The following SDK2 variants were observed in gnomAD, a reference collection of about 807,000 sequenced individuals.
The protein encoded by SDK2 is protein sidekick-2.
Under a neutral mutation model 253.9 loss-of-function variants are expected in SDK2, and 105 were observed. The observed-to-expected ratio is 0.41, with a 90% CI of 0.35 to 0.49. The LOEUF is 0.49. Among genes scored for constraint, SDK2 ranks in the 20% least tolerant of loss-of-function variants. SDK2 has a pLI of 0.06. For synonymous variants in SDK2, 1,249 were observed against 1,234.9 expected (o/e 1.01, Z -0.24); for missense variants, 2,608 against 3,003.0 (o/e 0.87, Z 3.07).
chr17:73,514,951 A>C (rs2064012824), intron 1 of SDK2, among the ~76,000 whole-genome samples: 1 of 152,146 alleles, frequency 6.6e-6, no homozygotes, highest in African/African-American at 2.4e-5. Flanking sequence ...CCGGGGTCAG[A>C]GGGAGCAGGG....
At chr17:73,400,677 G>T (rs1472428342) in intron 21 of SDK2, among the ~76,000 whole-genome samples, 1 of 151,078 alleles carries the variant, frequency 6.6e-6, no homozygotes, top group Non-Finnish European at 1.5e-5. Context: ...TTTTTGAGAC[G>T]CGATGTGGCC....
At chr17:73,485,046 A>G (rs1367049206) in intron 2 of SDK2, among the ~76,000 whole-genome samples, 1 of 152,112 alleles carries the variant, frequency 6.6e-6, no homozygotes, top group Non-Finnish European at 1.5e-5. Flanking sequence ...CTCTGCAATG[A>G]CCTTATTTCC....
chr17:73,636,680 C>CAAAAAAAAA (rs561026344), intron 1 of SDK2, among the ~76,000 whole-genome samples: 43 of 50,982 alleles, frequency 8.4e-4, no homozygotes, highest in Non-Finnish European at 1.2e-3. Context: ...GACTCTGTCT[C>CAAAAAAAAA]AAAAAAAAAA....
chr17:73,603,365 A>G (rs1238749297), intron 1 of SDK2, among the ~76,000 whole-genome samples: 2 of 152,208 alleles, frequency 1.3e-5, no homozygotes, highest in Non-Finnish European at 2.9e-5. Context: ...CCGGACTGAG[A>G]GGATTCATAC....
intron 2 of SDK2, among the ~76,000 whole-genome samples, chr17:73,474,951 A>G (rs2063676003): frequency 6.6e-6 from 1 of 152,212 alleles, no homozygotes; most frequent in African/African-American, 2.4e-5. Flanking sequence ...CGACAAGACC[A>G]TGTTTGCCTA....
chr17:73,389,188 T>C lies in SDK2; in HGVS notation c.4192+1099A>G, dbSNP rs535265720. Among the ~76,000 whole-genome samples, 282 of 136,800 alleles carry C rather than the reference T, an allele frequency of 2.1e-3. 4 individuals are homozygous for C. Among genetic ancestry groups the C allele is most frequent in the African/African-American group, 7.1e-3 (260 of 36,580 alleles). The allele number at this position is 136,800 out of a possible 152,430, so 89.7% of individuals were successfully genotyped here. A position where few individuals can be genotyped will look rare whatever the true frequency, so the allele number is the denominator to read the frequency against. ...CACCTGGCTGATATTCCTTTCTTTT[T>C]TTTTTTTTTTTTTTTGAGACGGTCT... On this transcript the variant is annotated intron_variant, in intron 29 of 44. Transcript: ENST00000392650.
chr17:73,462,007 TTGCA>T (rs1269694555), intron 3 of SDK2, among the ~76,000 whole-genome samples: 4 of 152,088 alleles, frequency 2.6e-5, no homozygotes, highest in African/African-American at 9.7e-5. Context: ...GGGATAATGG[TTGCA>T]TGTATGTATG....
intron 3 of SDK2, among the ~76,000 whole-genome samples, chr17:73,457,565 G>A (rs976474260): frequency 4.8e-4 from 73 of 151,532 alleles, no homozygotes; most frequent in African/African-American, 1.6e-3. Context: ...TGGCCAGGCC[G>A]GTCTTGAACT....
chr17:73,590,181 C>T (rs72845789), intron 1 of SDK2, among the ~76,000 whole-genome samples: 13,605 of 152,212 alleles, frequency 0.089, 670 homozygotes, highest in South Asian at 0.18. Flanking sequence ...TTTAGCAAGA[C>T]GAGAATTGGA....
rs369740276 is a variant in SDK2 at position 73,361,530 on chromosome 17, G to A, written c.5467+154C>T. Among the ~76,000 whole-genome samples, 5 of 152,202 alleles carry A rather than the reference G, an allele frequency of 3.3e-5. No homozygotes were observed. Among genetic ancestry groups the A allele is most frequent in the South Asian group, 2.1e-4 (1 of 4,826 alleles). On this transcript the variant is annotated intron_variant, in intron 39 of 44. Transcript: ENST00000392650. The surrounding 1 kb of genome is among the most constrained non-coding windows in gnomAD (Gnocchi z 4.1). ...AGCGTGGAGCCCGGGAGGAGGGAGC[G>A]GGGGGAGGGGTCACTGGGCACCAGG...
At chr17:73,593,546 C>T (rs1469188487) in intron 1 of SDK2, among the ~76,000 whole-genome samples, 1 of 152,156 alleles carries the variant, frequency 6.6e-6, no homozygotes, top group Non-Finnish European at 1.5e-5. Context: ...GACCCAGAGG[C>T]AGAACACCTA....
Position 73,407,382 on chromosome 17 carries a change from A to G in SDK2, c.2485-5241T>C, listed in dbSNP as rs961399783. The stretch of plus-strand genomic sequence containing the variant: ...AATGATGGGTCCATTTGTACCACTG[A>G]ACTGGCAGCACCCAGTACCATTTAA... On this transcript the variant is annotated intron_variant, in intron 18 of 44. Transcript: ENST00000392650. Among the ~76,000 whole-genome samples the G allele has an allele frequency of 7.2e-5, 11 of 152,308 alleles. No individual in the cohort carries two copies. In the East Asian group the frequency reaches 7.7e-4, roughly 11 times the overall value.
intron 27 of SDK2, 75 bp from the exon 28 acceptor site, chr17:73,391,613 G>A (rs2062929051): frequency 2.7e-6 from 2 of 746,644 alleles, no homozygotes; most frequent in Non-Finnish European, 3.8e-6. Flanking sequence ...CTCGGGCAGA[G>A]CAGCCTGGCA....
intron 1 of SDK2, among the ~76,000 whole-genome samples, chr17:73,603,604 A>T (rs1178263273): frequency 2.0e-5 from 3 of 152,180 alleles, no homozygotes; most frequent in Non-Finnish European, 4.4e-5. Flanking sequence ...ATCTATAAAC[A>T]TGGCAGCAGC....
chr17:73,631,938 C>A (rs1410053018), intron 1 of SDK2, among the ~76,000 whole-genome samples: 1 of 152,198 alleles, frequency 6.6e-6, no homozygotes, highest in Non-Finnish European at 1.5e-5. Flanking sequence ...TGTTGATTGG[C>A]TTGCCTGGCC....
intron 1 of SDK2, among the ~76,000 whole-genome samples, chr17:73,603,303 C>T (rs1030631268): frequency 6.6e-6 from 1 of 152,204 alleles, no homozygotes; most frequent in Non-Finnish European, 1.5e-5. Flanking sequence ...ACCATTGCTG[C>T]CTGGCCATGC....
In SDK2 at chr17:73,431,593, G is replaced by A; in HGVS notation, c.1389C>T (p.Ser463=). Residue 463 remains serine (S), a synonymous_variant, in exon 11 of 45, where the codon AGC becomes AGT. Transcript: ENST00000392650. The surrounding 1 kb of genome is among the most constrained non-coding windows in gnomAD (Gnocchi z 5.6). ...TCCCCGCATCGGAGATGTGTGTGGG[G>A]CTGATGAGGAGGCTGCCCGACTCCA... ...TPLESGSLLI[S]PTHISDAGTY... 1 of 1,613,598 alleles carries A rather than the reference G, an allele frequency of 6.2e-7. No individual in the cohort carries two copies. The highest frequency in any genetic ancestry group is 8.5e-7 in the Non-Finnish European group (1 of 1,179,738).
At chr17:73,402,201 C>T (rs1010353272) in intron 18 of SDK2, 60 bp from the exon 19 acceptor site, 5 of 1,537,368 alleles carry the variant, frequency 3.3e-6, no homozygotes, top group South Asian at 1.2e-5. Context: ...AGGCCAAGCC[C>T]TCTCCCACAG....
chr17:73,608,048 A>T (rs901366712), intron 1 of SDK2, among the ~76,000 whole-genome samples: 2 of 152,032 alleles, frequency 1.3e-5, no homozygotes, highest in African/African-American at 4.8e-5. Context: ...CCCACAGTAC[A>T]CTTGGACTTC....
Sources: allele counts gnomAD v4.1 joint callset (sites outside exome capture counted in the v4.1 genomes callset), GRCh38; gene constraint gnomAD v4.1.1; non-coding constraint Gnocchi (gnomAD v3.1); transcripts MANE v1.5; gene names NCBI Gene and HGNC (gene_info 2026-07-23, HGNC 2026-07-21).